Variants in PDIA5 observed in about 807,000 individuals in gnomAD.
PDIA5 encodes the protein protein disulfide isomerase family A member 5, also known as protein disulfide-isomerase A5.
A neutral mutation model predicts 77.6 loss-of-function variants in PDIA5; 58 were observed. The ratio of observed to expected loss-of-function variants is 0.75; its 90% CI spans 0.61 to 0.93. PDIA5 has a LOEUF of 0.93. Ranked by LOEUF, PDIA5 falls within the 40% of genes least tolerant of loss-of-function variation. PDIA5 has a pLI of 0.00. For missense variants in PDIA5, 630 were observed against 647.7 expected (o/e 0.97, Z 0.30); for synonymous variants, 250 against 252.1 (o/e 0.99, Z 0.08).
chr3:123,087,865 G>A (rs1408600393), intron 1 of PDIA5, among the ~76,000 whole-genome samples: 1 of 152,164 alleles, frequency 6.6e-6, no homozygotes, highest in African/African-American at 2.4e-5. Flanking sequence ...TTTCAATTGA[G>A]GATCTCCAAA....
chr3:123,108,307 G>A (rs1172957031), intron 6 of PDIA5, among the ~76,000 whole-genome samples: 5 of 144,592 alleles, frequency 3.5e-5, no homozygotes, highest in Non-Finnish European at 7.6e-5. Context: ...TTGAGACAGA[G>A]TCTTACTTTG....
intron 14 of PDIA5, among the ~76,000 whole-genome samples, chr3:123,151,734 T>TCCTGCCTGCCTGCCTGCCTGCCTGCCTG (rs67239583): frequency 1.8e-5 from 2 of 111,472 alleles, no homozygotes; most frequent in South Asian, 3.7e-4. Flanking sequence ...ACTCCTTCCT[T>TCCTGCCTGCCTGCCTGCCTGCCTGCCTG]CCTGCCTGCC....
chr3:123,101,284 G>A (rs1934586415), intron 3 of PDIA5, among the ~76,000 whole-genome samples: 1 of 152,184 alleles, frequency 6.6e-6, no homozygotes, highest in African/African-American at 2.4e-5. Context: ...TAATTTAGTA[G>A]GTCTGGGATG....
intron 13 of PDIA5, 35 bp downstream of exon 13, chr3:123,146,294 G>T (rs1370204094): frequency 6.3e-7 from 1 of 1,584,690 alleles, no homozygotes. Context: ...CATCCTAACT[G>T]CCAGCTGGCG....
At chr3:123,083,560 C>T (rs1049505060) in intron 1 of PDIA5, among the ~76,000 whole-genome samples, 7 of 152,250 alleles carry the variant, frequency 4.6e-5, no homozygotes, top group East Asian at 1.9e-4. Context: ...ACCTCTAGAG[C>T]GATTGACTTC....
chr3:123,106,783 C>G lies in PDIA5; in HGVS notation c.422C>G (p.Pro141Arg). Residue 141 changes from proline (P) to arginine (R), a missense_variant, in exon 6 of 17, where the codon CCC (proline) becomes CGC (arginine). Physicochemically the swap from Pro to Arg is moderately radical, Grantham distance 103 (BLOSUM62 -2). Coordinates refer to ENST00000316218, the MANE Select transcript of PDIA5 (RefSeq NM_006810.4). The stretch of plus-strand genomic sequence containing the variant: ...GCCTTTTTGAAGGATCCAAAAGGGC[C>G]CCCACTGTGGGAGGAAGATCCTGGA... ...IVAFLKDPKG[P>R]PLWEEDPGAK... 6.2e-7 allele frequency: 1 copy of G among 1,612,854 alleles called. No homozygotes were observed. The highest frequency in any genetic ancestry group is 8.5e-7 in the Non-Finnish European group (1 of 1,179,566).
intron 8 of PDIA5, among the ~76,000 whole-genome samples, chr3:123,119,349 G>A (rs1935056470): frequency 6.6e-6 from 1 of 152,184 alleles, no homozygotes; most frequent in Non-Finnish European, 1.5e-5. Flanking sequence ...AGAAAAGTCA[G>A]GGGCGTTGTC....
intron 15 of PDIA5, 103 bp from the exon 16 acceptor site, chr3:123,161,218 C>G (rs1936152291): frequency 3.2e-6 from 4 of 1,264,862 alleles, no homozygotes; most frequent in Non-Finnish European, 4.4e-6. Context: ...GGAGAAAAAT[C>G]AGAGTGGGCC....
chr3:123,126,519 T>A (rs1359285934), intron 10 of PDIA5, among the ~76,000 whole-genome samples: 1 of 152,114 alleles, frequency 6.6e-6, no homozygotes, highest in Non-Finnish European at 1.5e-5. Context: ...CAAAAAGTCC[T>A]CCCCCACCCT....
chr3:123,089,891 A>G (rs753979006), intron 2 of PDIA5, among the ~76,000 whole-genome samples: 4 of 152,260 alleles, frequency 2.6e-5, no homozygotes, highest in African/African-American at 4.8e-5. Context: ...GAGGCTGGCA[A>G]GGACATAGCA....
chr3:123,117,459 A>C (rs898190690), intron 8 of PDIA5, among the ~76,000 whole-genome samples: 21 of 146,088 alleles, frequency 1.4e-4, no homozygotes, highest in Non-Finnish European at 2.4e-4. Flanking sequence ...TCCTGAGCTC[A>C]ACCGATCTTC....
At chr3:123,075,165 C>T (rs2107904968) in intron 1 of PDIA5, among the ~76,000 whole-genome samples, 1 of 152,332 alleles carries the variant, frequency 6.6e-6, no homozygotes, top group Non-Finnish European at 1.5e-5. Flanking sequence ...GAAATATGCT[C>T]AATACCTATT....
chr3:123,154,698 G>C (rs188205895), intron 14 of PDIA5, among the ~76,000 whole-genome samples: 1 of 152,190 alleles, frequency 6.6e-6, no homozygotes, highest in Non-Finnish European at 1.5e-5. Flanking sequence ...TGTGGAAGGA[G>C]CAGAACTAGA....
At chr3:123,114,102 A>C (rs1198613107) in intron 7 of PDIA5, among the ~76,000 whole-genome samples, 1 of 152,216 alleles carries the variant, frequency 6.6e-6, no homozygotes, top group Non-Finnish European at 1.5e-5. Context: ...CACAGGGACA[A>C]CTGGCCGACT....
intron 8 of PDIA5, among the ~76,000 whole-genome samples, chr3:123,117,636 T>C (rs1935028054): frequency 6.6e-6 from 1 of 151,966 alleles, no homozygotes; most frequent in Non-Finnish European, 1.5e-5. Context: ...GTTTCATCCA[T>C]GTAGCATGTC....
chr3:123,121,967 C>T (rs1935131306), intron 8 of PDIA5, among the ~76,000 whole-genome samples: 1 of 152,224 alleles, frequency 6.6e-6, no homozygotes, highest in Admixed American at 6.5e-5. Flanking sequence ...CTGCATGTTG[C>T]TGCTGCACTC....
chr3:123,084,520 C>G (rs559551300), intron 1 of PDIA5, among the ~76,000 whole-genome samples: 1 of 152,094 alleles, frequency 6.6e-6, no homozygotes, highest in Non-Finnish European at 1.5e-5. Flanking sequence ...CCTCTGAGCC[C>G]GGTCCGTGGG....
intron 3 of PDIA5, among the ~76,000 whole-genome samples, chr3:123,100,383 G>C (rs1406153006): frequency 6.6e-6 from 1 of 152,244 alleles, no homozygotes; most frequent in African/African-American, 2.4e-5. Context: ...TTTTCAGCGG[G>C]TGCCCTGGGC....
rs540711300 is a variant in PDIA5, at chr3:123,110,977, C to A, written c.514C>A (p.Pro172Thr). 1 of 1,613,892 alleles carries A rather than the reference C, an allele frequency of 6.2e-7. No homozygotes were observed. Among genetic ancestry groups the A allele is most frequent in the Non-Finnish European group, 8.5e-7 (1 of 1,179,846 alleles). Residue 172 changes from proline to threonine, a missense_variant, in exon 7 of 17, where the codon CCG (proline) becomes ACG (threonine). By Grantham distance (38) the Pro-to-Thr change is conservative (BLOSUM62 -1). Coordinates refer to ENST00000316218, the MANE Select transcript of PDIA5 (RefSeq NM_006810.4). ...FRRLLKKEEK[P>T]LLIMFYAPWC... ...ACGGCTCCTGAAGAAGGAAGAGAAG[C>A]CGCTCCTGATCATGTTTTATGCCCC...
Sources: gnomAD v4.1 joint callset for allele counts (sites outside exome capture counted in the v4.1 genomes callset) on GRCh38, gnomAD v4.1.1 for gene constraint, MANE v1.5 for transcripts, NCBI Gene and HGNC (gene_info 2026-07-23, HGNC 2026-07-21) for gene names.